CFH: variants seen among roughly 807,000 people sequenced by gnomAD.
CFH encodes the protein complement factor H.
In CFH, 53 loss-of-function variants were observed where a neutral mutation model predicts 147.3. The ratio of observed to expected loss-of-function variants is 0.36; its 90% CI spans 0.29 to 0.45. The LOEUF (loss-of-function observed/expected upper bound fraction) is 0.45. Among genes scored for constraint, CFH ranks in the 20% least tolerant of loss-of-function variants. The pLI, the probability that CFH is intolerant of heterozygous loss-of-function variation, is 1.00. For missense variants in CFH, 1,380 were observed against 1,498.0 expected, an observed-to-expected ratio of 0.92 and a Z score of 1.30; for synonymous variants, 536 against 489.4, an observed-to-expected ratio of 1.10 and a Z score of -1.26.
chr1:196,716,325 G>A (rs948189425), intron 11 of CFH, among the ~76,000 whole-genome samples: 2 of 152,044 alleles, frequency 1.3e-5, no homozygotes, highest in East Asian at 3.9e-4. Flanking sequence ...TATGTGCAAA[G>A]CTGTAAAAAC....
rs201538141 is a variant in CFH, at chr1:196,745,835, G to C, written c.3329G>C (p.Gly1110Ala). ...TTTTTAGATTCTACAGGAAAATGTG[G>C]GCCCCCTCCACCTATTGACAATGGG... ...PQCKDSTGKC[G>A]PPPPIDNGDI... is the part of the protein sequence containing the mutation. Residue 1110 changes from glycine to alanine, a missense_variant, in exon 21 of 22, where the codon GGG becomes GCG. By Grantham distance (60) the Gly-to-Ala change is moderately conservative. Around this residue, in one of 4 missense-constraint regions of CFH, gnomAD observed 123 missense variants for 185.3 expected, o/e 0.66. Transcript: ENST00000367429. The C allele has an allele frequency of 3.0e-5, 48 of 1,613,950 alleles. No individual in the cohort carries two copies. In the East Asian group the frequency reaches 7.8e-4, roughly 26 times the overall value.
Position 196,744,229 on chromosome 1 carries a change from GT to G in CFH, c.3310+606del, listed in dbSNP as rs1295771690. Among the ~76,000 whole-genome samples, 3 of 151,722 alleles carry G rather than the reference GT, an allele frequency of 2.0e-5. No individual in the cohort carries two copies. The East Asian group carries it at 5.8e-4, about 29-fold the overall frequency. On this transcript the variant is annotated intron_variant, in intron 20 of 21. Transcript: ENST00000367429. ...CTACCTATGTTTATTATTGAAGTGA[GT>G]TTTTGTAGACAGCATATAGTTGGGT...
intron 9 of CFH, among the ~76,000 whole-genome samples, chr1:196,705,885 T>C (rs531031051): frequency 6.6e-6 from 1 of 152,318 alleles, no homozygotes; most frequent in Non-Finnish European, 1.5e-5. Context: ...ATCCTAGTGT[T>C]ACTTTGAGAG....
chr1:196,700,797 G>A, intron 9 of CFH: 1 of 985,310 alleles, frequency 1.0e-6, no homozygotes, highest in Non-Finnish European at 1.2e-6. Flanking sequence ...TGAACTAAGG[G>A]CCTTAGCTGG....
Position 196,715,687 on chromosome 1 carries a change from T to C in CFH, c.1614T>C (p.Asp538=), listed in dbSNP as rs747516478. The change falls in exon 11 of 22, where the codon GAT becomes GAC. Residue 538 remains aspartate (D), a synonymous_variant. Transcript: ENST00000367429. ...LNDTLDYECH[D]GYESNTGSTT... ...ACACATTGGACTATGAATGCCATGA[T>C]GGTTATGAAAGCAATACTGGAAGCA... 6.2e-7 allele frequency: 1 copy of C among 1,612,810 alleles called. No individual in the cohort carries two copies. Among genetic ancestry groups the C allele is most frequent in the African/African-American group, 1.3e-5 (1 of 74,852 alleles).
At position 196,706,404 on chromosome 1, in the gene CFH, GA is replaced by G. The variant is rs962827194; in HGVS notation, c.1337-7321del. ...CAGTGGATGGACAATTTGGTAGCAA[GA>G]AAAAAAAAATCACTAGGCAGAGCAG... On this transcript the variant is annotated intron_variant, in intron 9 of 21. Transcript: ENST00000367429. 5.5e-3 allele frequency among the ~76,000 whole-genome samples: 815 copies of G among 149,238 alleles called. 6 individuals carry two copies. The highest frequency in any genetic ancestry group is 0.019 in the African/African-American group (766 of 40,678).
chr1:196,725,389 G>T, intron 12 of CFH, 92 bp downstream of exon 12: 1 of 1,205,406 alleles, frequency 8.3e-7, no homozygotes. Context: ...CCCATTGCCT[G>T]TAATCTAATG....
intron 15 of CFH, 82 bp from the exon 16 acceptor site, chr1:196,736,741 AT>A (rs1573075850): frequency 3.2e-6 from 2 of 623,780 alleles, no homozygotes; most frequent in Non-Finnish European, 4.4e-6. Flanking sequence ...CATATAAATT[AT>A]TTTTCATCAA....
intron 3 of CFH, 122 bp from the exon 4 acceptor site, chr1:196,675,867 G>A (rs1349371631): frequency 1.7e-6 from 1 of 598,988 alleles, no homozygotes; most frequent in African/African-American, 1.9e-5. Context: ...CAAGAAACAA[G>A]AAAATGCATA....
rs1480189289 is a variant in CFH at position 196,673,789 on chromosome 1, C to G, written c.245-68C>G. ...TATATAATATCAAATATACTTGTTC[C>G]CCCACTCCTACATAAAATATATTCC... On this transcript the variant is annotated intron_variant, in intron 2 of 21. Transcript: ENST00000367429. 20 of 931,164 alleles carry G rather than the reference C, an allele frequency of 2.1e-5. No homozygotes were observed. The East Asian group carries it at 2.4e-4, about 11-fold the overall frequency. The allele number at this position is 931,164 out of a possible 1,614,324, so 57.7% of individuals were successfully genotyped here.
intron 11 of CFH, among the ~76,000 whole-genome samples, chr1:196,720,386 T>C (rs1668970872): frequency 6.6e-6 from 1 of 151,946 alleles, no homozygotes; most frequent in Non-Finnish European, 1.5e-5. Context: ...ATCACCCAAA[T>C]ACTGAACATT....
At chr1:196,688,511 A>G (rs1239890412) in intron 7 of CFH, among the ~76,000 whole-genome samples, 2 of 152,098 alleles carry the variant, frequency 1.3e-5, no homozygotes, top group Non-Finnish European at 1.5e-5. Context: ...TGAATTAACT[A>G]TGTTATTTTT....
chr1:196,738,075 A>G (rs1652647823), intron 17 of CFH, among the ~76,000 whole-genome samples: 1 of 152,140 alleles, frequency 6.6e-6, no homozygotes, highest in African/African-American at 2.4e-5. Context: ...TTCTGACCAA[A>G]GGGAAAAGGC....
At chr1:196,676,497 G>A (rs1667459991) in intron 4 of CFH, among the ~76,000 whole-genome samples, 1 of 151,894 alleles carries the variant, frequency 6.6e-6, no homozygotes, top group African/African-American at 2.4e-5. Flanking sequence ...GGTTGCCTGT[G>A]GACTTACCTT....
intron 12 of CFH, among the ~76,000 whole-genome samples, chr1:196,725,729 A>G (rs1669120635): frequency 6.6e-6 from 1 of 152,186 alleles, no homozygotes; most frequent in Non-Finnish European, 1.5e-5. Context: ...TGAGAGAGGA[A>G]GCAAGAGAGA....
At chr1:196,738,019 A>G (rs773896282) in intron 17 of CFH, among the ~76,000 whole-genome samples, 18 of 152,126 alleles carry the variant, frequency 1.2e-4, no homozygotes, top group South Asian at 2.1e-4. Context: ...GAAACTTACA[A>G]TCATGGTGGA....
intron 9 of CFH, among the ~76,000 whole-genome samples, chr1:196,702,374 C>T (rs889195448): frequency 2.2e-4 from 33 of 152,136 alleles, no homozygotes; most frequent in African/African-American, 7.2e-4. Context: ...TTCCCCATAA[C>T]AACTGCTTAC....
intron 11 of CFH, 110 bp from the exon 12 acceptor site, chr1:196,725,011 T>C (rs1361062418): frequency 2.5e-6 from 2 of 809,982 alleles, no homozygotes; most frequent in Non-Finnish European, 4.1e-6. Flanking sequence ...ATTTATCTGA[T>C]GCCCCTCTGT....
intron 21 of CFH, 116 bp downstream of exon 21, chr1:196,746,115 T>C: frequency 6.4e-7 from 1 of 1,557,434 alleles, no homozygotes; most frequent in Non-Finnish European, 8.8e-7. Context: ...AATGCTTGCC[T>C]ACCAAATATT....
Sources: gnomAD v4.1 joint callset for allele counts (sites outside exome capture counted in the v4.1 genomes callset) on GRCh38, gnomAD v4.1.1 for gene constraint, gnomAD v4.1.1 regional missense constraint, MANE v1.5 for transcripts, NCBI Gene and HGNC (gene_info 2026-07-23, HGNC 2026-07-21) for gene names.